Variants in TTC28 observed in about 807,000 individuals in gnomAD.
The protein encoded by TTC28 is tetratricopeptide repeat protein 28.
In TTC28, 61 loss-of-function variants were observed where a neutral mutation model predicts 198.0. That is an observed-to-expected ratio of 0.31 (90% CI 0.25 to 0.38). The LOEUF is 0.38. Among genes scored for constraint, TTC28 ranks in the 10% least tolerant of loss-of-function variants. The pLI, the probability that TTC28 is intolerant of heterozygous loss-of-function variation, is 1.00. For synonymous variants in TTC28, 1,171 were observed against 1,297.8 expected (o/e 0.90, Z 2.10); for missense variants, 2,678 against 3,164.0 (o/e 0.85, Z 3.69).
intron 12 of TTC28, among the ~76,000 whole-genome samples, chr22:28,034,179 T>C (rs907023977): frequency 1.3e-5 from 2 of 152,102 alleles, no homozygotes; most frequent in African/African-American, 2.4e-5. Context: ...AGAGACACAT[T>C]GGCTTTGCAG....
At chr22:28,626,071 T>C (rs2051072548) in intron 2 of TTC28, among the ~76,000 whole-genome samples, 1 of 152,066 alleles carries the variant, frequency 6.6e-6, no homozygotes, top group Admixed American at 6.5e-5. Context: ...GCAAAAAACA[T>C]AAAAATTCTA....
chr22:28,392,215 G>C (rs529151816), intron 2 of TTC28, among the ~76,000 whole-genome samples: 11 of 152,296 alleles, frequency 7.2e-5, no homozygotes, highest in African/African-American at 2.6e-4. Context: ...ATCTCCAGCT[G>C]CTTGCTAGGA....
intron 1 of TTC28, among the ~76,000 whole-genome samples, chr22:28,637,496 G>C (rs1283825077): frequency 6.6e-6 from 1 of 151,940 alleles, no homozygotes; most frequent in Non-Finnish European, 1.5e-5. Flanking sequence ...GAGCATCAAG[G>C]TAACCACAAA....
intron 5 of TTC28, among the ~76,000 whole-genome samples, chr22:28,216,626 G>A (rs921375994): frequency 1.3e-5 from 2 of 152,084 alleles, no homozygotes; most frequent in African/African-American, 4.8e-5. Context: ...AGGAGGAAAG[G>A]ATATTGACAA....
chr22:28,616,154 T>C (rs1823215963), intron 2 of TTC28, among the ~76,000 whole-genome samples: 2 of 152,208 alleles, frequency 1.3e-5, no homozygotes, highest in Admixed American at 6.5e-5. Context: ...AGGGAAGTAG[T>C]ATGGTATAGT....
chr22:28,371,598 A>ATTTTTTTTTTTTTT (rs1409625873), intron 2 of TTC28, among the ~76,000 whole-genome samples: 3,158 of 27,684 alleles, frequency 0.11, 1,201 homozygotes, highest in African/African-American at 0.17. Flanking sequence ...AAAAAAAAAA[A>ATTTTTTTTTTTTTT]TTTTTTTTTT....
intron 2 of TTC28, among the ~76,000 whole-genome samples, chr22:28,405,903 T>C (rs1425858057): frequency 6.6e-6 from 1 of 152,268 alleles, no homozygotes; most frequent in Non-Finnish European, 1.5e-5. Context: ...ACTGCAGAAC[T>C]GTTCCTGAGC....
At chr22:28,161,969 C>G (rs945805020) in intron 6 of TTC28, among the ~76,000 whole-genome samples, 1 of 152,116 alleles carries the variant, frequency 6.6e-6, no homozygotes, top group Non-Finnish European at 1.5e-5. Context: ...CTACTCATAT[C>G]TGATAAGCAT....
intron 1 of TTC28, among the ~76,000 whole-genome samples, chr22:28,654,309 G>A (rs2051609638): frequency 6.6e-6 from 1 of 152,154 alleles, no homozygotes; most frequent in Non-Finnish European, 1.5e-5. Context: ...ACTGCTCAGA[G>A]GTGACAAAGG....
intron 2 of TTC28, among the ~76,000 whole-genome samples, chr22:28,339,724 G>A (rs1406965536): frequency 6.6e-6 from 1 of 152,172 alleles, no homozygotes; most frequent in Non-Finnish European, 1.5e-5. Context: ...TGTGGTGTTT[G>A]CTAAGACCGT....
At chr22:28,169,785 C>T (rs1251984961) in intron 5 of TTC28, among the ~76,000 whole-genome samples, 1 of 151,926 alleles carries the variant, frequency 6.6e-6, no homozygotes, top group Non-Finnish European at 1.5e-5. Context: ...GGAACCTGCA[C>T]ATTGTGCACA....
intron 2 of TTC28, among the ~76,000 whole-genome samples, chr22:28,333,727 C>T (rs541348539): frequency 2.0e-5 from 3 of 151,796 alleles, no homozygotes; most frequent in Non-Finnish European, 2.9e-5. Context: ...ATTTTAAAAC[C>T]CTATATTTAT....
At chr22:28,524,563 C>G (rs1003808343) in intron 2 of TTC28, among the ~76,000 whole-genome samples, 1 of 151,804 alleles carries the variant, frequency 6.6e-6, no homozygotes, top group Non-Finnish European at 1.5e-5. Flanking sequence ...ATCACTTGAG[C>G]TCAGGAGTTC....
At chr22:28,077,668 T>C (rs1941212770) in intron 12 of TTC28, among the ~76,000 whole-genome samples, 1 of 152,204 alleles carries the variant, frequency 6.6e-6, no homozygotes, top group Non-Finnish European at 1.5e-5. Flanking sequence ...AACCAGTATT[T>C]TGAAATAAGA....
intron 2 of TTC28, among the ~76,000 whole-genome samples, chr22:28,489,031 C>A (rs1460816015): frequency 1.3e-5 from 2 of 152,102 alleles, no homozygotes; most frequent in Non-Finnish European, 2.9e-5. Context: ...TGCCTGTAAT[C>A]CCAGCACTTT....
At chr22:28,304,044 G>C (rs1226977900) in intron 3 of TTC28, among the ~76,000 whole-genome samples, 1 of 152,106 alleles carries the variant, frequency 6.6e-6, no homozygotes, top group East Asian at 1.9e-4. Context: ...CCAGCACTTT[G>C]GGAGGCCAAG....
At chr22:28,554,371 TAAAAAAAA>T (rs35063705) in intron 2 of TTC28, among the ~76,000 whole-genome samples, 1 of 123,134 alleles carries the variant, frequency 8.1e-6, no homozygotes. Flanking sequence ...AATGATCAAT[TAAAAAAAA>T]AAAAAAAAGA....
intron 2 of TTC28, among the ~76,000 whole-genome samples, chr22:28,389,489 G>A (rs924545675): frequency 6.8e-6 from 1 of 147,978 alleles, no homozygotes; most frequent in Non-Finnish European, 1.5e-5. Flanking sequence ...TTTTTGGTTG[G>A]TAAGCTACTG....
At chr22:28,018,244 A>AGTGTGTGTGT (rs138612299) in intron 13 of TTC28, among the ~76,000 whole-genome samples, 2,510 of 114,942 alleles carry the variant, frequency 0.022, 87 homozygotes, top group African/African-American at 0.047. Context: ...GCTGCTATTC[A>AGTGTGTGTGT]GTGTGTGTGT....
Sources: allele counts gnomAD v4.1 joint callset (sites outside exome capture counted in the v4.1 genomes callset), GRCh38; gene constraint gnomAD v4.1.1; transcripts MANE v1.5; gene names NCBI Gene and HGNC (gene_info 2026-07-23, HGNC 2026-07-21).